RBFOX1: variants seen among roughly 807,000 people sequenced by gnomAD.
RBFOX1 encodes the protein RNA binding fox-1 homolog 1, also known as RNA binding protein fox-1 homolog 1.
Under a neutral mutation model 57.7 loss-of-function variants are expected in RBFOX1, and 8 were observed. The observed-to-expected ratio is 0.14, with a 90% confidence interval of 0.08 to 0.25. RBFOX1 has a LOEUF of 0.25. Ranked by LOEUF, RBFOX1 falls within the 10% of genes least tolerant of loss-of-function variation. RBFOX1 has a pLI of 1.00. For missense variants in RBFOX1, 611 were observed against 548.5 expected (o/e 1.11, Z -1.14); for synonymous variants, 326 against 222.4 (o/e 1.47, Z -4.15).
chr16:6,404,544 AT>A (rs1269316091), intron 2 of RBFOX1, among the ~76,000 whole-genome samples: 1 of 152,084 alleles, frequency 6.6e-6, no homozygotes, highest in Non-Finnish European at 1.5e-5. Context: ...CTACTCTAAT[AT>A]TTCATGCCAG....
At chr16:7,257,876 T>C (rs2094760038) in intron 4 of RBFOX1, among the ~76,000 whole-genome samples, 1 of 152,188 alleles carries the variant, frequency 6.6e-6, no homozygotes, top group Non-Finnish European at 1.5e-5. Flanking sequence ...TCTGTTACTC[T>C]TTGGGCAGGG....
chr16:5,981,903 G>A (rs367759560), intron 4 of RBFOX1, among the ~76,000 whole-genome samples: 1 of 152,236 alleles, frequency 6.6e-6, no homozygotes, highest in Admixed American at 6.5e-5. Context: ...AGGCAGGCCG[G>A]TAAACATCCC....
At chr16:7,696,216 T>C (rs1235335661) in intron 14 of RBFOX1, among the ~76,000 whole-genome samples, 1 of 152,188 alleles carries the variant, frequency 6.6e-6, no homozygotes, top group East Asian at 1.9e-4. Flanking sequence ...TTGTGTTGTT[T>C]TGTTTTGGTT....
intron 1 of RBFOX1, among the ~76,000 whole-genome samples, chr16:5,258,410 G>A (rs2062644228): frequency 1.5e-5 from 2 of 133,560 alleles, no homozygotes; most frequent in South Asian, 4.6e-4. Context: ...AAAACATGAG[G>A]GCATTTTTTA....
intron 4 of RBFOX1, among the ~76,000 whole-genome samples, chr16:7,238,622 ATTTC>A (rs373064873): frequency 2.6e-5 from 4 of 152,172 alleles, no homozygotes; most frequent in African/African-American, 9.6e-5. Flanking sequence ...ATGAATATGC[ATTTC>A]TTTCTCTCTT....
At chr16:5,603,318 C>A (rs1389416680), downstream of RBFOX1, among the ~76,000 whole-genome samples, 1 of 152,204 alleles carries the variant, frequency 6.6e-6, no homozygotes, top group African/African-American at 2.4e-5. Context: ...GGAGGGAAGA[C>A]CTATTCAAAC....
At chr16:6,942,713 A>G (rs1442059081) in intron 3 of RBFOX1, among the ~76,000 whole-genome samples, 1 of 152,156 alleles carries the variant, frequency 6.6e-6, no homozygotes, top group Admixed American at 6.5e-5. Context: ...ATCTCTTTGG[A>G]CAAGTGACCA....
chr16:5,432,609 A>T (rs1448909894), intron 1 of RBFOX1, among the ~76,000 whole-genome samples: 1 of 144,328 alleles, frequency 6.9e-6, no homozygotes, highest in East Asian at 2.0e-4. Context: ...AGCAAAAATA[A>T]ATGGGTAAAA....
At chr16:5,830,472 A>G (rs1410688311) in intron 3 of RBFOX1, among the ~76,000 whole-genome samples, 1 of 151,826 alleles carries the variant, frequency 6.6e-6, no homozygotes, top group Non-Finnish European at 1.5e-5. Context: ...AGAGGATTGT[A>G]TAGAGGCCGG....
intron 4 of RBFOX1, among the ~76,000 whole-genome samples, chr16:5,884,170 C>A (rs542449967): frequency 2.2e-4 from 34 of 152,286 alleles, no homozygotes; most frequent in African/African-American, 7.5e-4. Flanking sequence ...AGCAAGTTGT[C>A]AGTAAATGAT....
intron 3 of RBFOX1, among the ~76,000 whole-genome samples, chr16:5,660,406 A>G (rs1198325376): frequency 6.6e-6 from 1 of 152,158 alleles, no homozygotes; most frequent in Non-Finnish European, 1.5e-5. Flanking sequence ...TCATTTTATA[A>G]CTGGGACTCA....
Position 6,853,746 on chromosome 16 carries a change from C to G in RBFOX1, c.-15-198311C>G, listed in dbSNP as rs567337243. Among the ~76,000 whole-genome samples, 116 of 152,242 alleles carry G rather than the reference C, an allele frequency of 7.6e-4. 1 individual carries two copies. The highest frequency in any genetic ancestry group is 6.8e-3 in the Middle Eastern group (2 of 294). The stretch of plus-strand genomic sequence containing the variant: ...AGACAATGTGATTGGGATAATGCGC[C>G]TCACTGTGCGTGGAGAGGAGCTGCA... On this transcript the variant is annotated intron_variant, in intron 3 of 15. Coordinates refer to ENST00000550418, the MANE Select transcript of RBFOX1 (RefSeq NM_018723.4).
At chr16:6,662,644 T>C (rs1211011147) in intron 3 of RBFOX1, among the ~76,000 whole-genome samples, 1 of 151,766 alleles carries the variant, frequency 6.6e-6, no homozygotes, top group East Asian at 1.9e-4. Context: ...CATAATTTGG[T>C]GGTTGGTTAA....
At chr16:7,461,627 C>A (rs2059601342) in intron 4 of RBFOX1, among the ~76,000 whole-genome samples, 1 of 152,094 alleles carries the variant, frequency 6.6e-6, no homozygotes, top group African/African-American at 2.4e-5. Flanking sequence ...TTTTGCATTT[C>A]CAAAAGCCGT....
intron 10 of RBFOX1, among the ~76,000 whole-genome samples, chr16:7,630,149 C>A (rs979273531): frequency 2.6e-5 from 4 of 151,860 alleles, no homozygotes; most frequent in African/African-American, 9.7e-5. Context: ...TGATGCACAG[C>A]CATTCTCGGA....
intron 4 of RBFOX1, among the ~76,000 whole-genome samples, chr16:7,384,013 C>T (rs1008524830): frequency 3.3e-5 from 5 of 149,782 alleles, no homozygotes; most frequent in Admixed American, 2.0e-4. Context: ...GAGATCGTGC[C>T]GTTGCACCCC....
Position 5,864,579 on chromosome 16 carries a change from G to A in RBFOX1, c.319-2724G>A, listed in dbSNP as rs184628951. ...TTTTTTTTAGAAAATGGTATCTTAT[G>A]TACACTTTTCTGAATGTTTCGTTTT... On this transcript the variant is annotated intron_variant, in intron 3 of 19. Transcript: ENST00000641259. 2.7e-3 allele frequency among the ~76,000 whole-genome samples: 393 copies of A among 146,602 alleles called. 3 individuals are homozygous for A. The highest frequency in any genetic ancestry group is 9.6e-3 in the African/African-American group (380 of 39,766).
downstream of RBFOX1, among the ~76,000 whole-genome samples, chr16:5,600,659 C>G (rs1223295071): frequency 6.6e-6 from 1 of 152,180 alleles, no homozygotes; most frequent in South Asian, 2.1e-4. Context: ...TAAGGGCCCA[C>G]TGCTTGGTGC....
At chr16:5,714,699 A>C (rs556811035) in intron 3 of RBFOX1, among the ~76,000 whole-genome samples, 1 of 152,356 alleles carries the variant, frequency 6.6e-6, no homozygotes, top group East Asian at 1.9e-4. Context: ...TGGGTAAGGA[A>C]ATAACAAAAG....
Sources: gnomAD v4.1 joint callset for allele counts (sites outside exome capture counted in the v4.1 genomes callset) on GRCh38, gnomAD v4.1.1 for gene constraint, MANE v1.5 for transcripts, NCBI Gene and HGNC (gene_info 2026-07-23, HGNC 2026-07-21) for gene names.